Variants in SLC6A4 observed in about 807,000 individuals in gnomAD.
The protein encoded by SLC6A4 is solute carrier family 6 member 4, also known as sodium-dependent serotonin transporter.
A neutral mutation model predicts 73.4 loss-of-function variants in SLC6A4; 22 were observed. The observed-to-expected ratio is 0.30, with a 90% CI of 0.21 to 0.43. The LOEUF is 0.43. Among genes scored for constraint, SLC6A4 ranks in the 20% least tolerant of loss-of-function variants. SLC6A4 has a pLI of 1.00. For missense variants in SLC6A4, 593 were observed against 808.5 expected (o/e 0.73, Z 3.23); for synonymous variants, 270 against 315.5 (o/e 0.86, Z 1.53).
rs1905849076 is a variant in SLC6A4 at position 30,196,019 on chromosome 17, T to C, written c.*2437A>G. 6.6e-6 allele frequency: 1 copy of C among 151,974 alleles called. No individual in the cohort carries two copies. The highest frequency in any genetic ancestry group is 1.5e-5 in the Non-Finnish European group (1 of 68,008). The allele number at this position is 151,974 out of a possible 1,614,324, so 9.4% of individuals were successfully genotyped here. A position where few individuals can be genotyped will look rare whatever the true frequency, so the allele number is the denominator to read the frequency against. ...TTTTAATAGAGACGGCGTTTCACTATGTTGGCCAAGCTGGTCTCAAACTCC... is the reference window on the plus strand; with the variant it reads ...TTTTAATAGAGACGGCGTTTCACTACGTTGGCCAAGCTGGTCTCAAACTCC... On this transcript the variant is annotated 3_prime_UTR_variant, in exon 15 of 15. Transcript: ENST00000650711.
intron 12 of SLC6A4, among the ~76,000 whole-genome samples, chr17:30,208,074 T>C (rs1475161511): frequency 6.6e-6 from 1 of 152,118 alleles, no homozygotes; most frequent in East Asian, 1.9e-4. Context: ...CAAAACTGCA[T>C]TTTTATAGCA....
intron 8 of SLC6A4, among the ~76,000 whole-genome samples, chr17:30,215,276 C>T (rs1906532971): frequency 6.6e-6 from 1 of 152,172 alleles, no homozygotes; most frequent in Admixed American, 6.5e-5. Context: ...CTCCTGACCT[C>T]AGGTGATCCA....
chr17:30,205,043 T>C (rs558454541), intron 13 of SLC6A4, among the ~76,000 whole-genome samples: 24 of 152,272 alleles, frequency 1.6e-4, no homozygotes, highest in African/African-American at 4.8e-4. Context: ...TTTATTACAA[T>C]TTTTTAAAAG....
Position 30,196,607 on chromosome 17 carries a change from C to T in SLC6A4, c.*1849G>A, listed in dbSNP as rs200198857. On this transcript the variant is annotated 3_prime_UTR_variant, in exon 15 of 15. Coordinates refer to ENST00000650711, the MANE Select transcript of SLC6A4 (RefSeq NM_001045.6). ...AAAAGTAATCATGGTTTTTCTTTTG[C>T]ACCAACTAATATTTACCACTGAACA... is the stretch of plus-strand genomic sequence containing the variant. 6.6e-6 allele frequency: 1 copy of T among 152,260 alleles called. No homozygotes were observed. Among genetic ancestry groups the T allele is most frequent in the Non-Finnish European group, 1.5e-5 (1 of 68,028 alleles). 9.4% of individuals were successfully genotyped at this position (152,260 alleles called of 1,614,324 possible).
Position 30,222,933 on chromosome 17 carries a change from C to G in SLC6A4, c.-220-18G>C. ...CAGGAGACCTAGGGAGAAGAGTGTGCAGGTTACTGATGCTGGGGTGGTTGG... is the reference window on the plus strand; with the variant it reads ...CAGGAGACCTAGGGAGAAGAGTGTGGAGGTTACTGATGCTGGGGTGGTTGG... On this transcript the variant is annotated intron_variant, in intron 1 of 14. Transcript: ENST00000650711. 1.1e-6 allele frequency: 1 copy of G among 904,764 alleles called. No individual in the cohort carries two copies. The highest frequency in any genetic ancestry group is 1.4e-5 in the South Asian group (1 of 73,158). The allele number at this position is 904,764 out of a possible 1,614,324, so 56.0% of individuals were successfully genotyped here.
intron 13 of SLC6A4, among the ~76,000 whole-genome samples, chr17:30,203,957 C>G (rs949286205): frequency 6.6e-6 from 1 of 152,216 alleles, no homozygotes; most frequent in Non-Finnish European, 1.5e-5. Context: ...GCTGCATCGC[C>G]TGGAGTTTCA....
chr17:30,222,755 C>T (rs553980896), intron 2 of SLC6A4, 64 bp downstream of exon 2: 3 of 1,276,886 alleles, frequency 2.3e-6, no homozygotes, highest in Non-Finnish European at 2.1e-6. Context: ...CTGCACATGG[C>T]CTTTCTGCGT....
intron 4 of SLC6A4, 110 bp from the exon 5 acceptor site, chr17:30,218,447 G>A (rs951033544): frequency 1.2e-5 from 10 of 816,518 alleles, no homozygotes; most frequent in African/African-American, 1.7e-5. Flanking sequence ...AGGGGTACAC[G>A]TGGGTGCTGC....
chr17:30,225,887 T>C (rs956342771), intron 1 of SLC6A4, among the ~76,000 whole-genome samples: 1 of 152,196 alleles, frequency 6.6e-6, no homozygotes, highest in African/African-American at 2.4e-5. Flanking sequence ...AAAAGGACTG[T>C]TTCTATTTAA....
At chr17:30,213,302 CTTTTTTTTTTTT>C (rs3034289) in intron 8 of SLC6A4, among the ~76,000 whole-genome samples, 1 of 129,812 alleles carries the variant, frequency 7.7e-6, no homozygotes, top group Non-Finnish European at 1.6e-5. Flanking sequence ...ATTTTTTTTT[CTTTTTTTTTTTT>C]TTTTTTGAGA....
In SLC6A4 at chr17:30,207,734, G is replaced by T; in HGVS notation, c.1648C>A (p.Leu550Met). 1 of 1,604,936 alleles carries T rather than the reference G, an allele frequency of 6.2e-7. No homozygotes were observed. Among genetic ancestry groups the T allele is most frequent in the Non-Finnish European group, 8.5e-7 (1 of 1,171,636 alleles). The change falls in exon 13 of 15, where the codon CTG (leucine) becomes ATG (methionine). Residue 550 changes from leucine to methionine, a missense_variant and splice_region_variant. Coordinates refer to ENST00000650711, the MANE Select transcript of SLC6A4 (RefSeq NM_001045.6). The part of the protein sequence containing the change: ...CWVAISPLFL[L>M]FIICSFLMSP... ...GGAGAAGGGAAATGGCAACTCACCA[G>T]GAGAAACAGAGGGCTGATGGCCACC... is the stretch of plus-strand genomic sequence containing the variant.
chr17:30,215,841 C>A (rs961453316), intron 7 of SLC6A4, 127 bp from the exon 8 acceptor site: 25 of 822,472 alleles, frequency 3.0e-5, no homozygotes, highest in Non-Finnish European at 4.8e-5. Context: ...TTTTAAGGCT[C>A]ATTCCAGGCA....
intron 14 of SLC6A4, among the ~76,000 whole-genome samples, chr17:30,199,005 A>G (rs1008708898): frequency 2.0e-5 from 3 of 152,214 alleles, no homozygotes; most frequent in Non-Finnish European, 2.9e-5. Flanking sequence ...CCACTGTAAC[A>G]GCCAGGATGT....
intron 14 of SLC6A4, among the ~76,000 whole-genome samples, chr17:30,201,806 T>C (rs1440981575): frequency 6.6e-6 from 1 of 152,296 alleles, no homozygotes; most frequent in African/African-American, 2.4e-5. Context: ...GCAGTTGTTC[T>C]CAGAAAGGGC....
At chr17:30,207,696 G>T (rs200889733) in intron 13 of SLC6A4, 36 bp downstream of exon 13, 2 of 1,399,324 alleles carry the variant, frequency 1.4e-6, no homozygotes, top group Non-Finnish European at 2.0e-6. Context: ...GAAGTCTTTC[G>T]CCAGGGCAAG....
intron 11 of SLC6A4, among the ~76,000 whole-genome samples, 159 bp downstream of exon 11, chr17:30,210,356 C>T (rs1038473479): frequency 2.0e-5 from 3 of 152,200 alleles, no homozygotes; most frequent in Non-Finnish European, 2.9e-5. Context: ...AACAACTTTT[C>T]TTCTCCTTGA....
intron 13 of SLC6A4, chr17:30,204,351 C>T (rs1343482807): frequency 6.6e-6 from 1 of 151,942 alleles, no homozygotes; most frequent in East Asian, 1.9e-4. Flanking sequence ...AACACACATC[C>T]ATCTTCTGAG....
rs1049922883 is a variant in SLC6A4, at chr17:30,215,323, G to A, written c.1076+288C>T. Among the ~76,000 whole-genome samples the A allele has an allele frequency of 1.1e-4, 17 of 152,344 alleles. No homozygotes were observed. In the South Asian group the frequency reaches 1.7e-3, roughly 15 times the overall value. Reference sequence around the variant, plus strand: ...CTCCCAAAGTGCTGGGATTACAGGCGTGAGCCACCATGTCCAGCCTCTTAT... The same window carrying A: ...CTCCCAAAGTGCTGGGATTACAGGCATGAGCCACCATGTCCAGCCTCTTAT... On this transcript the variant is annotated intron_variant, in intron 8 of 14. Transcript: ENST00000650711.
At chr17:30,231,513 T>C (rs1907116187) in intron 1 of SLC6A4, among the ~76,000 whole-genome samples, 1 of 151,668 alleles carries the variant, frequency 6.6e-6, no homozygotes, top group African/African-American at 2.4e-5. Context: ...TACATACAGA[T>C]ACATAAATGG....
Sources: gnomAD v4.1 joint callset for allele counts (sites outside exome capture counted in the v4.1 genomes callset) on GRCh38, gnomAD v4.1.1 for gene constraint, MANE v1.5 for transcripts, NCBI Gene and HGNC (gene_info 2026-07-23, HGNC 2026-07-21) for gene names.